TRAK1: variants seen among roughly 807,000 people sequenced by gnomAD.
TRAK1 encodes trafficking kinesin protein 1.
In TRAK1, 33 loss-of-function variants were observed where a neutral mutation model predicts 92.1. That is an observed-to-expected ratio of 0.36 (90% confidence interval 0.27 to 0.48). The LOEUF (loss-of-function observed/expected upper bound fraction) is 0.48. TRAK1 is among the 20% of genes least tolerant of loss of function. The pLI is 0.99. For synonymous variants in TRAK1, 521 were observed against 517.3 expected, an observed-to-expected ratio of 1.01 and a Z score of -0.10; for missense variants, 1,123 against 1,257.9, an observed-to-expected ratio of 0.89 and a Z score of 1.62.
intron 2 of TRAK1, among the ~76,000 whole-genome samples, chr3:42,164,964 G>A (rs1701684458): frequency 6.6e-6 from 1 of 152,192 alleles, no homozygotes; most frequent in Admixed American, 6.5e-5. Context: ...CAAATTTCCA[G>A]TGTTCTTTTT....
chr3:42,144,274 A>G (rs951149366), intron 2 of TRAK1, among the ~76,000 whole-genome samples: 26 of 152,196 alleles, frequency 1.7e-4, no homozygotes, highest in Non-Finnish European at 2.6e-4. Context: ...CCTTAAAAAA[A>G]AAAAGAAAGA....
intron 1 of TRAK1, among the ~76,000 whole-genome samples, chr3:42,019,732 G>A (rs1197452194): frequency 6.6e-6 from 1 of 152,100 alleles, no homozygotes; most frequent in Non-Finnish European, 1.5e-5. Context: ...TTTATTATGG[G>A]TTTCTATCAA....
chr3:42,219,426 G>A, intron 14 of TRAK1, 68 bp from the exon 15 acceptor site: 1 of 1,611,840 alleles, frequency 6.2e-7, no homozygotes. Context: ...TGAGTGACAT[G>A]CTGGATTTTA....
intron 1 of TRAK1, among the ~76,000 whole-genome samples, chr3:42,077,306 C>G (rs188136322): frequency 2.6e-4 from 40 of 152,154 alleles, no homozygotes; most frequent in Non-Finnish European, 4.4e-4. Flanking sequence ...CTTTTTACCT[C>G]GAGGCAGAGT....
At chr3:42,192,088 G>T (rs1705841400) in intron 7 of TRAK1, among the ~76,000 whole-genome samples, 1 of 151,888 alleles carries the variant, frequency 6.6e-6, no homozygotes, top group East Asian at 1.9e-4. Flanking sequence ...TTTTTGTAGA[G>T]GCAAGGTTTC....
At chr3:42,149,235 A>G in intron 2 of TRAK1, 1 of 1,248,664 alleles carries the variant, frequency 8.0e-7, no homozygotes, top group Non-Finnish European at 1.0e-6. Context: ...GGCTACTCCC[A>G]TTCAGGGCTG....
intron 1 of TRAK1, among the ~76,000 whole-genome samples, chr3:42,029,414 G>GT (rs140240839): frequency 0.23 from 33,585 of 143,350 alleles, 4,435 homozygotes; most frequent in South Asian, 0.42. Context: ...AATTTTGCTT[G>GT]TTTTTTTGGT....
chr3:42,077,617 AT>A (rs1341918500), intron 1 of TRAK1, among the ~76,000 whole-genome samples: 1 of 152,020 alleles, frequency 6.6e-6, no homozygotes, highest in Non-Finnish European at 1.5e-5. Flanking sequence ...GTCATCTCTG[AT>A]TTCTTTCAGC....
At chr3:42,084,773 A>G (rs887219927), upstream of TRAK1, among the ~76,000 whole-genome samples, 6 of 149,008 alleles carry the variant, frequency 4.0e-5, no homozygotes, top group Non-Finnish European at 8.9e-5. Flanking sequence ...TATTTGAGTC[A>G]CTGACTAGGC....
rs1375448777 is a variant in TRAK1 at position 42,135,381 on chromosome 3, A to T, written c.286+9767A>T. Among the ~76,000 whole-genome samples, 3 of 152,188 alleles carry T rather than the reference A, an allele frequency of 2.0e-5. 1 individual carries two copies. The highest frequency in any genetic ancestry group is 7.2e-5 in the African/African-American group (3 of 41,450). On this transcript the variant is annotated intron_variant, in intron 2 of 15. Coordinates refer to ENST00000327628, the MANE Select transcript of TRAK1 (RefSeq NM_001042646.3). ...TCTAGCCAAGACAAGGAACCTCCTT[A>T]TGAGATGTCATCTTCTGAGCTCTCT... is the stretch of plus-strand genomic sequence containing the variant.
intron 1 of TRAK1, among the ~76,000 whole-genome samples, chr3:42,118,692 T>A (rs1282327652): frequency 2.0e-5 from 3 of 152,234 alleles, no homozygotes; most frequent in Admixed American, 2.0e-4. Flanking sequence ...TGGCCCTAAC[T>A]GAAGCCCACA....
intron 1 of TRAK1, among the ~76,000 whole-genome samples, chr3:42,070,068 T>G (rs1240337255): frequency 6.6e-6 from 1 of 151,798 alleles, no homozygotes; most frequent in Non-Finnish European, 1.5e-5. Context: ...GCCAGGCTGG[T>G]CTCAAACTCT....
chr3:42,048,515 A>C (rs1702848976), intron 1 of TRAK1, among the ~76,000 whole-genome samples: 1 of 150,794 alleles, frequency 6.6e-6, no homozygotes, highest in Non-Finnish European at 1.5e-5. Context: ...CTAACTTGTA[A>C]CTTTTTCTTT....
intron 1 of TRAK1, among the ~76,000 whole-genome samples, chr3:42,014,887 T>C (rs1269633589): frequency 6.6e-6 from 1 of 152,136 alleles, no homozygotes; most frequent in Non-Finnish European, 1.5e-5. Context: ...TCTGTGAGTG[T>C]GTATTCGGGA....
At chr3:42,187,583 T>C (rs1015077006) in intron 4 of TRAK1, among the ~76,000 whole-genome samples, 2 of 152,144 alleles carry the variant, frequency 1.3e-5, no homozygotes, top group African/African-American at 4.8e-5. Flanking sequence ...TTCTCCTGCC[T>C]CAGCCTCCCG....
intron 1 of TRAK1, among the ~76,000 whole-genome samples, chr3:42,041,790 T>G (rs1351981708): frequency 7.1e-6 from 1 of 141,284 alleles, no homozygotes; most frequent in African/African-American, 3.1e-5. Flanking sequence ...CTATTGTTTT[T>G]TTTTTTCTTT....
At chr3:42,183,889 T>A (rs992506445) in intron 3 of TRAK1, among the ~76,000 whole-genome samples, 1 of 152,172 alleles carries the variant, frequency 6.6e-6, no homozygotes, top group Admixed American at 6.6e-5. Flanking sequence ...ACGTCTTTTT[T>A]CCCACAGAGG....
At chr3:42,140,190 C>T (rs1698472123) in intron 2 of TRAK1, among the ~76,000 whole-genome samples, 1 of 152,118 alleles carries the variant, frequency 6.6e-6, no homozygotes, top group Non-Finnish European at 1.5e-5. Flanking sequence ...AGCTTTGTTC[C>T]CCCACCTTCC....
chr3:42,069,703 A>G (rs377611370), intron 1 of TRAK1, among the ~76,000 whole-genome samples: 3 of 152,326 alleles, frequency 2.0e-5, no homozygotes, highest in South Asian at 2.1e-4. Flanking sequence ...ATGTGCAGAC[A>G]TGATATATGG....
Sources: allele counts gnomAD v4.1 joint callset (sites outside exome capture counted in the v4.1 genomes callset), GRCh38; gene constraint gnomAD v4.1.1; transcripts MANE v1.5; gene names NCBI Gene and HGNC (gene_info 2026-07-23, HGNC 2026-07-21).